ERC2: variants seen among roughly 807,000 people sequenced by gnomAD.
ERC2 encodes the protein ERC protein 2.
A neutral mutation model predicts 114.8 loss-of-function variants in ERC2; 42 were observed. The observed-to-expected ratio is 0.37, with a 90% confidence interval of 0.29 to 0.47. The LOEUF is 0.47. Among genes scored for constraint, ERC2 ranks in the 20% least tolerant of loss-of-function variants. The pLI is 0.99. For synonymous variants in ERC2, 454 were observed against 425.5 expected (o/e 1.07, Z -0.82); for missense variants, 939 against 1,150.7 (o/e 0.82, Z 2.66).
At chr3:55,799,846 C>T (rs1232742503) in intron 14 of ERC2, among the ~76,000 whole-genome samples, 4 of 152,036 alleles carry the variant, frequency 2.6e-5, no homozygotes, top group South Asian at 2.1e-4. Flanking sequence ...TTGGGCTCTT[C>T]GTTCCATTGA....
intron 6 of ERC2, among the ~76,000 whole-genome samples, chr3:56,111,352 T>G (rs1427825300): frequency 6.6e-6 from 1 of 150,948 alleles, no homozygotes; most frequent in East Asian, 1.9e-4. Flanking sequence ...TCCCTCAATC[T>G]CTCTCTCCCT....
At chr3:56,372,412 T>C (rs527918927) in intron 2 of ERC2, among the ~76,000 whole-genome samples, 2 of 152,078 alleles carry the variant, frequency 1.3e-5, no homozygotes, top group Non-Finnish European at 2.9e-5. Flanking sequence ...TTGTAAAGAT[T>C]AGGAAACTGA....
At chr3:56,454,955 A>C (rs770964361) in intron 1 of ERC2, among the ~76,000 whole-genome samples, 4 of 152,146 alleles carry the variant, frequency 2.6e-5, no homozygotes, top group Non-Finnish European at 4.4e-5. Flanking sequence ...CAGCCACAAA[A>C]GCTCAAATAT....
chr3:55,805,027 C>T (rs918565839), intron 14 of ERC2, among the ~76,000 whole-genome samples: 1 of 151,988 alleles, frequency 6.6e-6, no homozygotes, highest in Non-Finnish European at 1.5e-5. Flanking sequence ...TTTAGCCCTC[C>T]ACCTTCAAAC....
At chr3:55,611,655 G>A (rs1360536875) in intron 17 of ERC2, among the ~76,000 whole-genome samples, 2 of 152,030 alleles carry the variant, frequency 1.3e-5, no homozygotes, top group Non-Finnish European at 2.9e-5. Flanking sequence ...AGCATGTCTC[G>A]GCTATCCCAT....
At chr3:55,809,987 A>G (rs1485544460) in intron 14 of ERC2, among the ~76,000 whole-genome samples, 1 of 152,226 alleles carries the variant, frequency 6.6e-6, no homozygotes, top group East Asian at 1.9e-4. Context: ...TGTACTTCAC[A>G]TTAAATAATC....
chr3:56,237,661 CTT>C (rs983601562), intron 3 of ERC2, among the ~76,000 whole-genome samples: 15 of 151,514 alleles, frequency 9.9e-5, no homozygotes, highest in African/African-American at 3.4e-4. Context: ...ACATTGCTTT[CTT>C]TTTTTTTCTA....
intron 17 of ERC2, among the ~76,000 whole-genome samples, chr3:55,637,482 T>C (rs903478191): frequency 1.3e-5 from 2 of 152,094 alleles, no homozygotes; most frequent in African/African-American, 4.8e-5. Context: ...GGGGCTTGTG[T>C]GAAGGCACAG....
chr3:55,712,146 C>G (rs538960561), intron 15 of ERC2, among the ~76,000 whole-genome samples: 1 of 152,138 alleles, frequency 6.6e-6, no homozygotes, highest in Non-Finnish European at 1.5e-5. Context: ...TTTTTTCCCA[C>G]GTTTCTTCTT....
In ERC2 at chr3:55,713,162, A is replaced by C. The variant is rs866584935; in HGVS notation, c.2713-13650T>G. Among the ~76,000 whole-genome samples the C allele has an allele frequency of 5.0e-3, 296 of 59,392 alleles. 4 individuals carry two copies. The highest frequency in any genetic ancestry group is 0.018 in the African/African-American group (279 of 15,724). 39.0% of individuals were successfully genotyped at this position (59,392 alleles called of 152,430 possible). On this transcript the variant is annotated intron_variant, in intron 15 of 17. Transcript: ENST00000288221. Reference sequence around the variant, plus strand: ...ACACACACACACACACACACACACAAACCCCAGAATTTTAATTCTAAGTAT... The same window carrying C: ...ACACACACACACACACACACACACACACCCCAGAATTTTAATTCTAAGTAT...
At chr3:56,422,908 A>T (rs956576383) in intron 2 of ERC2, among the ~76,000 whole-genome samples, 3 of 152,170 alleles carry the variant, frequency 2.0e-5, no homozygotes, top group Non-Finnish European at 4.4e-5. Flanking sequence ...GGTGCTCAAA[A>T]ATGCTTACTT....
At chr3:55,634,460 A>G (rs1442424305) in intron 17 of ERC2, among the ~76,000 whole-genome samples, 1 of 152,210 alleles carries the variant, frequency 6.6e-6, no homozygotes, top group Non-Finnish European at 1.5e-5. Context: ...TTCACATGAA[A>G]GATGTAATCT....
At chr3:56,271,940 G>C (rs2053680724) in intron 3 of ERC2, among the ~76,000 whole-genome samples, 1 of 152,020 alleles carries the variant, frequency 6.6e-6, no homozygotes, top group South Asian at 2.1e-4. Flanking sequence ...CTTTTTTATG[G>C]CTGTGTAGTA....
intron 14 of ERC2, among the ~76,000 whole-genome samples, chr3:55,796,131 A>T (rs926016733): frequency 5.9e-5 from 9 of 152,266 alleles, no homozygotes; most frequent in South Asian, 2.1e-4. Context: ...AGAAGCATTT[A>T]AATTATACCG....
At chr3:56,200,331 T>C (rs570371685) in intron 3 of ERC2, among the ~76,000 whole-genome samples, 1 of 137,174 alleles carries the variant, frequency 7.3e-6, no homozygotes, top group South Asian at 2.8e-4. Flanking sequence ...ACAGTTTGCC[T>C]ACTCAAATAC....
rs188360608 is a variant in ERC2 at position 55,770,511 on chromosome 3, G to T, written c.2565-35593C>A. Reference sequence around the variant, plus strand: ...GGAGTGAGTGCCCCCTTCCCCCTTTGATGGGCAGATGCTCTCCAGCCCTCA... The same window carrying T: ...GGAGTGAGTGCCCCCTTCCCCCTTTTATGGGCAGATGCTCTCCAGCCCTCA... On this transcript the variant is annotated intron_variant, in intron 14 of 17. Transcript: ENST00000288221. Among the ~76,000 whole-genome samples the T allele has an allele frequency of 4.8e-3, 730 of 152,246 alleles. 4 individuals carry two copies. Among genetic ancestry groups the T allele is most frequent in the Non-Finnish European group, 6.7e-3 (455 of 68,024 alleles).
intron 1 of ERC2, among the ~76,000 whole-genome samples, chr3:56,455,699 GAATTTCTGGTCTAAC>G (rs2063031587): frequency 6.6e-6 from 1 of 152,146 alleles, no homozygotes; most frequent in Admixed American, 6.5e-5. Flanking sequence ...TGATCTTCTT[GAATTTCTGGTCTAAC>G]AATTATCCAC....
At chr3:56,183,855 C>A (rs1016211804) in intron 3 of ERC2, among the ~76,000 whole-genome samples, 1 of 151,840 alleles carries the variant, frequency 6.6e-6, no homozygotes, top group Non-Finnish European at 1.5e-5. Context: ...GCAGAGGGGG[C>A]AGAATGTATT....
chr3:56,149,273 C>CT, intron 4 of ERC2, 141 bp from the exon 5 acceptor site: 7 of 764,926 alleles, frequency 9.2e-6, no homozygotes, highest in Admixed American at 3.0e-5. Flanking sequence ...TTTAGGACAA[C>CT]TTATTTTTTT....
Sources: allele counts gnomAD v4.1 joint callset (sites outside exome capture counted in the v4.1 genomes callset), GRCh38; gene constraint gnomAD v4.1.1; transcripts MANE v1.5; gene names NCBI Gene and HGNC (gene_info 2026-07-23, HGNC 2026-07-21).